PTPRC: variants seen among roughly 807,000 people sequenced by gnomAD.
PTPRC encodes protein tyrosine phosphatase receptor type C.
In PTPRC, 44 loss-of-function variants were observed where a neutral mutation model predicts 155.9. That is an observed-to-expected ratio of 0.28 (90% confidence interval 0.22 to 0.36). The LOEUF is 0.36. PTPRC is among the 10% of genes least tolerant of loss of function. The pLI, the probability that PTPRC is intolerant of heterozygous loss-of-function variation, is 1.00. For synonymous variants in PTPRC, 525 were observed against 533.1 expected (o/e 0.98, Z 0.21); for missense variants, 1,401 against 1,564.6 (o/e 0.90, Z 1.76).
At chr1:198,661,865 T>A (rs540001451) in intron 2 of PTPRC, among the ~76,000 whole-genome samples, 1 of 152,338 alleles carries the variant, frequency 6.6e-6, no homozygotes, top group South Asian at 2.1e-4. Flanking sequence ...AAGTTTTCCG[T>A]ATTTGACACA....
chr1:198,712,343 G>C (rs1362527115), intron 11 of PTPRC, among the ~76,000 whole-genome samples: 1 of 152,160 alleles, frequency 6.6e-6, no homozygotes, highest in Non-Finnish European at 1.5e-5. Flanking sequence ...CTGGTCAAAG[G>C]AGCTGAGTTG....
chr1:198,674,889 T>C (rs1288546598), intron 2 of PTPRC, among the ~76,000 whole-genome samples: 1 of 152,300 alleles, frequency 6.6e-6, no homozygotes, highest in East Asian at 1.9e-4. Context: ...TACAATGCTA[T>C]TAACCAAATT....
upstream of PTPRC, chr1:198,638,853 G>C (rs1662404031): frequency 1.6e-5 from 3 of 185,018 alleles, no homozygotes; most frequent in Non-Finnish European, 3.5e-5. Flanking sequence ...TACTGTAAAG[G>C]AGCATTATTT....
chr1:198,665,079 CAT>C (rs1491175691), intron 2 of PTPRC, among the ~76,000 whole-genome samples: 32,270 of 101,570 alleles, frequency 0.32, 7,456 homozygotes, highest in East Asian at 0.6. Context: ...ATCCCGGCAG[CAT>C]TTTTTTTTTT....
chr1:198,722,365 TAA>T, intron 14 of PTPRC, 49 bp from the exon 15 acceptor site: 1 of 890,676 alleles, frequency 1.1e-6, no homozygotes, highest in Non-Finnish European at 1.6e-6. Flanking sequence ...TATATATATA[TAA>T]ATTCACATTA....
chr1:198,755,638 G>A (rs565790432), intron 32 of PTPRC, among the ~76,000 whole-genome samples: 1 of 152,192 alleles, frequency 6.6e-6, no homozygotes, highest in African/African-American at 2.4e-5. Flanking sequence ...GGCATCATGA[G>A]CAAAGGCATG....
At chr1:198,694,720 C>G (rs928826149) in intron 3 of PTPRC, 2 of 969,240 alleles carry the variant, frequency 2.1e-6, no homozygotes, top group Non-Finnish European at 2.5e-6. Context: ...TCCTTCCTTC[C>G]TCCCTCCCTT....
At chr1:198,684,150 G>GA (rs1665492303) in intron 2 of PTPRC, among the ~76,000 whole-genome samples, 1 of 150,556 alleles carries the variant, frequency 6.6e-6, no homozygotes, top group Non-Finnish European at 1.5e-5. Flanking sequence ...GTTTAAGACA[G>GA]AAAAAAAGCA....
chr1:198,737,929 G>A (rs1479096455), intron 23 of PTPRC, among the ~76,000 whole-genome samples: 3 of 151,538 alleles, frequency 2.0e-5, no homozygotes, highest in Admixed American at 6.6e-5. Context: ...TATTGCAAAC[G>A]AGATTACTTT....
intron 2 of PTPRC, among the ~76,000 whole-genome samples, chr1:198,673,372 G>A (rs556264600): frequency 6.6e-6 from 1 of 152,130 alleles, no homozygotes; most frequent in South Asian, 2.1e-4. Context: ...GTTATTTATT[G>A]CACCTTATTG....
intron 2 of PTPRC, among the ~76,000 whole-genome samples, chr1:198,680,241 G>A (rs547653959): frequency 8.9e-4 from 136 of 152,230 alleles, no homozygotes; most frequent in African/African-American, 3.1e-3. Context: ...ATTACCTAAG[G>A]ACGGAGTTCG....
At chr1:198,648,256 G>A (rs1229577632) in intron 2 of PTPRC, among the ~76,000 whole-genome samples, 2 of 151,802 alleles carry the variant, frequency 1.3e-5, no homozygotes, top group Admixed American at 6.6e-5. Context: ...CTGAAAAAAT[G>A]TTTATGTGGA....
At chr1:198,702,258 G>A (rs1666495801) in intron 5 of PTPRC, 129 bp from the exon 6 acceptor site, 3 of 1,165,158 alleles carry the variant, frequency 2.6e-6, no homozygotes, top group Non-Finnish European at 3.9e-6. Flanking sequence ...ATGTGTCGTG[G>A]TATAGCAGAA....
chr1:198,694,036 A>C (rs1384885724), intron 3 of PTPRC: 8 of 1,548,690 alleles, frequency 5.2e-6, no homozygotes, highest in Non-Finnish European at 6.1e-6. Context: ...CAAGCTGAGG[A>C]GCAAGGAAGC....
Position 198,756,042 on chromosome 1 carries a change from G to C in PTPRC, c.3782G>C (p.Cys1261Ser). The C allele has an allele frequency of 6.2e-7, 1 of 1,613,462 alleles. No individual in the cohort carries two copies. Among genetic ancestry groups the C allele is most frequent in the South Asian group, 1.1e-5 (1 of 91,066 alleles). Reference sequence around the variant, plus strand: ...GACAAAGTAAAGCAGGATGCTAATTGTGTTAATCCACTTGGTGCCCCAGAA... The same window carrying C: ...GACAAAGTAAAGCAGGATGCTAATTCTGTTAATCCACTTGGTGCCCCAGAA... ...EVDKVKQDAN[C>S]VNPLGAPEKL... Residue 1261 changes from cysteine to serine, a missense_variant, in exon 33 of 33, where the codon TGT becomes TCT. Transcript: ENST00000442510.
At position 198,756,762 on chromosome 1, in the gene PTPRC, AGTT is replaced by A. The variant is rs989086528; in HGVS notation, c.*585_*587del. ...ATGTGTGTGTATGCTACTACAAAAA[AGTT>A]GTTAACTAAATTAACATTGGGAAAT... On this transcript the variant is annotated 3_prime_UTR_variant, in exon 33 of 33. Transcript: ENST00000442510. 7 of 152,032 alleles carry A rather than the reference AGTT, an allele frequency of 4.6e-5. No individual in the cohort carries two copies. The highest frequency in any genetic ancestry group is 2.0e-4 in the Admixed American group (3 of 15,240). 9.4% of individuals were successfully genotyped at this position (152,032 alleles called of 1,614,324 possible).
intron 2 of PTPRC, among the ~76,000 whole-genome samples, chr1:198,653,619 T>C (rs1341868172): frequency 1.3e-5 from 2 of 151,948 alleles, no homozygotes; most frequent in African/African-American, 4.8e-5. Flanking sequence ...TTGCCATCCA[T>C]AGAGCCATGA....
rs762248930 is a variant in PTPRC at position 198,734,417 on chromosome 1, G to A, written c.2269G>A (p.Gly757Arg). The A allele has an allele frequency of 6.2e-7, 1 of 1,610,652 alleles. No homozygotes were observed. Among genetic ancestry groups the A allele is most frequent in the Non-Finnish European group, 8.5e-7 (1 of 1,177,564 alleles). The stretch of plus-strand genomic sequence containing the variant: ...TGTCATGGTCACTCGATGTGAAGAA[G>A]GAAACAGGGTAAGAACCAAGAAGAT... ...VIVMVTRCEE[G>R]NRNKCAEYWP... is the part of the protein sequence containing the mutation. Residue 757 changes from glycine to arginine, a missense_variant, in exon 22 of 33, where the codon GGA becomes AGA. Transcript: ENST00000442510.
intron 8 of PTPRC, 29 bp from the exon 9 acceptor site, chr1:198,706,705 A>G (rs759450534): frequency 1.9e-6 from 3 of 1,592,022 alleles, no homozygotes; most frequent in Non-Finnish European, 2.6e-6. Context: ...TTCTGGAAAA[A>G]TAACACTCAA....
Sources: allele counts gnomAD v4.1 joint callset (sites outside exome capture counted in the v4.1 genomes callset), GRCh38; gene constraint gnomAD v4.1.1; transcripts MANE v1.5; gene names NCBI Gene and HGNC (gene_info 2026-07-23, HGNC 2026-07-21).